AGMO: variants seen among roughly 807,000 people sequenced by gnomAD.
AGMO encodes the protein glyceryl-ether monooxygenase.
AGMO carries 75 observed loss-of-function variants against 60.2 expected under a neutral mutation model. The observed-to-expected ratio is 1.25, with a 90% CI of 1.03 to 1.51. AGMO has a LOEUF of 1.51. Among genes scored for constraint, AGMO ranks in the 40% most tolerant of loss-of-function variants. The pLI, the probability that AGMO is intolerant of heterozygous loss-of-function variation, is 0.00. For synonymous variants in AGMO, 261 were observed against 177.1 expected (o/e 1.47, Z -3.76); for missense variants, 763 against 525.5 (o/e 1.45, Z -4.42).
chr7:15,330,371 C>G (rs1196272928), intron 12 of AGMO, among the ~76,000 whole-genome samples: 1 of 152,112 alleles, frequency 6.6e-6, no homozygotes, highest in Non-Finnish European at 1.5e-5. Context: ...TGTTCTTATA[C>G]AAATTAAATT....
intron 12 of AGMO, among the ~76,000 whole-genome samples, chr7:15,354,710 A>C (rs865876443): frequency 6.6e-6 from 1 of 150,500 alleles, no homozygotes; most frequent in South Asian, 2.1e-4. Flanking sequence ...AGAAGTTAAG[A>C]AAGAAGAAGA....
At chr7:15,512,444 G>A (rs1783700319) in intron 3 of AGMO, among the ~76,000 whole-genome samples, 1 of 151,968 alleles carries the variant, frequency 6.6e-6, no homozygotes, top group African/African-American at 2.4e-5. Context: ...GTTGAGTCGG[G>A]GTTTCATCCT....
Position 15,248,199 on chromosome 7 carries a change from T to C in AGMO, c.1264-46840A>G, listed in dbSNP as rs1232018923. Among the ~76,000 whole-genome samples, 116 of 87,264 alleles carry C rather than the reference T, an allele frequency of 1.3e-3. 4 individuals carry two copies. The highest frequency in any genetic ancestry group is 3.9e-3 in the African/African-American group (84 of 21,684). 57.2% of individuals were successfully genotyped at this position (87,264 alleles called of 152,430 possible). A position where few individuals can be genotyped will look rare whatever the true frequency, so the allele number is the denominator to read the frequency against. The stretch of plus-strand genomic sequence containing the variant: ...AGCACCATATATATATATATATATA[T>C]ATATATATATATATATATATATATA... On this transcript the variant is annotated intron_variant, in intron 12 of 12. Coordinates refer to ENST00000342526, the MANE Select transcript of AGMO (RefSeq NM_001004320.2).
At position 15,229,727 on chromosome 7, in the gene AGMO, A is replaced by ATGT. The variant is rs375461225; in HGVS notation, c.1264-28369_1264-28368insACA. On this transcript the variant is annotated intron_variant, in intron 12 of 12. Coordinates refer to ENST00000342526, the MANE Select transcript of AGMO (RefSeq NM_001004320.2). ...TTATATATATATTATATTATATATA[A>ATGT]ATTATATATTATAATATATATAAAT... Among the ~76,000 whole-genome samples the ATGT allele has an allele frequency of 1.7e-4, 25 of 146,368 alleles. No individual in the cohort carries two copies. The South Asian group carries it at 5.1e-3, about 30-fold the overall frequency.
chr7:15,207,120 T>C (rs562139915), intron 12 of AGMO, among the ~76,000 whole-genome samples: 21 of 152,244 alleles, frequency 1.4e-4, no homozygotes, highest in African/African-American at 4.1e-4. Flanking sequence ...ACGATAACAT[T>C]TGAAAACCAT....
At chr7:15,324,040 T>C (rs137935823) in intron 12 of AGMO, among the ~76,000 whole-genome samples, 289 of 152,334 alleles carry the variant, frequency 1.9e-3, no homozygotes, top group Non-Finnish European at 3.5e-3. Flanking sequence ...AATTGTTCTA[T>C]ATACTACCAT....
chr7:15,191,159 A>G, the AGMO span, among the ~76,000 whole-genome samples: 1 of 152,184 alleles, frequency 6.6e-6, no homozygotes, highest in Non-Finnish European at 1.5e-5. Context: ...TAAAATTTCT[A>G]TTTTAAATAA....
chr7:15,558,165 C>G (rs1490747828), intron 2 of AGMO, among the ~76,000 whole-genome samples: 1 of 146,298 alleles, frequency 6.8e-6, no homozygotes, highest in Non-Finnish European at 1.5e-5. Context: ...GTTTGTATTT[C>G]TGGTACTTAC....
intron 5 of AGMO, among the ~76,000 whole-genome samples, chr7:15,408,058 T>C (rs895410890): frequency 6.6e-6 from 1 of 151,840 alleles, no homozygotes; most frequent in Non-Finnish European, 1.5e-5. Flanking sequence ...GAAGTGGTAA[T>C]TGGGTTGCGT....
At chr7:15,323,651 TGTC>T (rs1381790075) in intron 12 of AGMO, among the ~76,000 whole-genome samples, 1 of 152,168 alleles carries the variant, frequency 6.6e-6, no homozygotes, top group Non-Finnish European at 1.5e-5. Flanking sequence ...GATTCCAAGC[TGTC>T]TCCCGAGCTT....
the AGMO span, among the ~76,000 whole-genome samples, chr7:15,127,141 T>C: frequency 6.6e-6 from 1 of 152,062 alleles, no homozygotes; most frequent in Non-Finnish European, 1.5e-5. Context: ...CATGCCTCCC[T>C]AAAATATATT....
At chr7:15,497,564 C>A (rs1783265583) in intron 3 of AGMO, among the ~76,000 whole-genome samples, 1 of 152,036 alleles carries the variant, frequency 6.6e-6, no homozygotes, top group African/African-American at 2.4e-5. Flanking sequence ...CAGAAGAATA[C>A]CTCCTTGCTT....
At chr7:15,551,492 G>A (rs536192363) in intron 2 of AGMO, among the ~76,000 whole-genome samples, 3,269 of 145,998 alleles carry the variant, frequency 0.022, 37 homozygotes, top group Non-Finnish European at 0.032. Context: ...AAATCAATGT[G>A]CAAAAATCAC....
intron 12 of AGMO, among the ~76,000 whole-genome samples, chr7:15,324,298 G>C (rs536744427): frequency 1.3e-5 from 2 of 152,222 alleles, no homozygotes; most frequent in East Asian, 3.9e-4. Context: ...GTTGGTATCA[G>C]GCAACCCTGT....
At chr7:15,196,066 CAG>C (rs555406542), downstream of AGMO, among the ~76,000 whole-genome samples, 18 of 151,706 alleles carry the variant, frequency 1.2e-4, no homozygotes, top group South Asian at 3.5e-3. Flanking sequence ...TCCTTTTTGA[CAG>C]AGTCTCGCTC....
At chr7:15,525,115 T>C (rs1375555420) in intron 3 of AGMO, among the ~76,000 whole-genome samples, 20 of 152,092 alleles carry the variant, frequency 1.3e-4, no homozygotes. Flanking sequence ...CCTTTTGGAG[T>C]TCAGGCACAG....
intron 5 of AGMO, among the ~76,000 whole-genome samples, chr7:15,410,927 TA>T (rs1366677991): frequency 6.6e-6 from 1 of 151,970 alleles, no homozygotes; most frequent in Non-Finnish European, 1.5e-5. Flanking sequence ...CAACAATGTA[TA>T]CCCTATGGTT....
chr7:15,135,600 G>C, the AGMO span, among the ~76,000 whole-genome samples: 2 of 152,068 alleles, frequency 1.3e-5, no homozygotes, highest in African/African-American at 4.8e-5. Flanking sequence ...CATTAATATA[G>C]TAGTATATCA....
At chr7:15,433,670 T>C (rs1259383198) in intron 3 of AGMO, among the ~76,000 whole-genome samples, 1 of 152,062 alleles carries the variant, frequency 6.6e-6, no homozygotes, top group Admixed American at 6.6e-5. Flanking sequence ...GAGAAAAAGA[T>C]ATTATTTAGA....
Sources: allele counts gnomAD v4.1 joint callset (sites outside exome capture counted in the v4.1 genomes callset), GRCh38; gene constraint gnomAD v4.1.1; transcripts MANE v1.5; gene names NCBI Gene and HGNC (gene_info 2026-07-23, HGNC 2026-07-21).